PHIP: variants seen among roughly 807,000 people sequenced by gnomAD.
PHIP encodes the protein PH-interacting protein.
Under a neutral mutation model 236.8 loss-of-function variants are expected in PHIP, and 54 were observed. The observed-to-expected ratio is 0.23, with a 90% CI of 0.18 to 0.29. The LOEUF (loss-of-function observed/expected upper bound fraction) is 0.29. PHIP is among the 10% of genes least tolerant of loss of function. PHIP has a pLI of 1.00. For synonymous variants in PHIP, 756 were observed against 718.9 expected, an observed-to-expected ratio of 1.05 and a Z score of -0.83; for missense variants, 1,370 against 2,190.8, an observed-to-expected ratio of 0.63 and a Z score of 7.48.
intron 6 of PHIP, among the ~76,000 whole-genome samples, chr6:79,059,532 G>A (rs1366854837): frequency 6.9e-6 from 1 of 144,506 alleles, no homozygotes; most frequent in East Asian, 2.0e-4. Context: ...ATTTTTAAAA[G>A]CCACTTTTAT....
At chr6:78,945,718 G>A (rs187952361) in intron 38 of PHIP, 5 of 599,918 alleles carry the variant, frequency 8.3e-6, no homozygotes, top group African/African-American at 3.7e-5. Flanking sequence ...TCAAAATTTC[G>A]AAGGCAAGTC....
chr6:79,033,634 A>G (rs919299122), intron 7 of PHIP, among the ~76,000 whole-genome samples: 1 of 152,148 alleles, frequency 6.6e-6, no homozygotes, highest in Non-Finnish European at 1.5e-5. Flanking sequence ...CTTTGGCTTA[A>G]AAGAGTATTG....
intron 23 of PHIP, among the ~76,000 whole-genome samples, chr6:78,979,669 G>A (rs752740548): frequency 6.6e-6 from 1 of 151,942 alleles, no homozygotes; most frequent in Non-Finnish European, 1.5e-5. Context: ...AAGAACATTT[G>A]AAACCTAATA....
chr6:78,990,844 A>G, intron 20 of PHIP, 24 bp downstream of exon 20: 1 of 1,329,228 alleles, frequency 7.5e-7, no homozygotes, highest in South Asian at 1.3e-5. Context: ...GCAAATATTA[A>G]ACATCAAAAT....
intron 9 of PHIP, among the ~76,000 whole-genome samples, chr6:79,024,738 G>C (rs937470081): frequency 3.9e-5 from 6 of 152,198 alleles, no homozygotes; most frequent in Non-Finnish European, 7.3e-5. Context: ...CCGGGAGGCA[G>C]AGCTTGCAGT....
intron 39 of PHIP, among the ~76,000 whole-genome samples, chr6:78,942,995 GAA>G (rs1773581011): frequency 6.6e-6 from 1 of 152,074 alleles, no homozygotes; most frequent in African/African-American, 2.4e-5. Context: ...CTGGGCACAT[GAA>G]AAGTTATGCA....
chr6:79,043,515 T>C (rs143635582), intron 6 of PHIP, among the ~76,000 whole-genome samples: 1 of 152,246 alleles, frequency 6.6e-6, no homozygotes, highest in Admixed American at 6.5e-5. Context: ...ATTTGCATTA[T>C]TAAAAAATAA....
intron 6 of PHIP, among the ~76,000 whole-genome samples, chr6:79,054,943 CTT>C (rs68181403): frequency 2.7e-5 from 4 of 146,316 alleles, no homozygotes; most frequent in African/African-American, 2.5e-5. Context: ...AGATTTAAGA[CTT>C]TTTTTTTTTT....
chr6:78,974,934 T>C (rs1767933066), intron 24 of PHIP, among the ~76,000 whole-genome samples: 1 of 151,828 alleles, frequency 6.6e-6, no homozygotes, highest in East Asian at 1.9e-4. Flanking sequence ...AGCCGAATTC[T>C]ACCAGAGGTA....
Position 78,935,686 on chromosome 6 carries a change from A to G in PHIP, c.*5007T>C, listed in dbSNP as rs1446551843. ...TCGGCACCCAAATATCTTTTAACTG[A>G]CAGTTTTCACACTTTGCAAAACACA... On this transcript the variant is annotated 3_prime_UTR_variant, in exon 40 of 40. Coordinates refer to ENST00000275034, the MANE Select transcript of PHIP (RefSeq NM_017934.7). The G allele has an allele frequency of 1.0e-6, 1 of 984,576 alleles. No homozygotes were observed. The highest frequency in any genetic ancestry group is 1.2e-6 in the Non-Finnish European group (1 of 829,300). 61.0% of individuals were successfully genotyped at this position (984,576 alleles called of 1,614,324 possible). A position where few individuals can be genotyped will look rare whatever the true frequency, so the allele number is the denominator to read the frequency against.
chr6:79,030,938 TTTG>T (rs371120807), intron 7 of PHIP, among the ~76,000 whole-genome samples: 2 of 149,348 alleles, frequency 1.3e-5, no homozygotes, highest in African/African-American at 5.1e-5. Flanking sequence ...CTTGTTTTTT[TTTG>T]TTTGTTTGTT....
At chr6:79,025,886 T>G in intron 8 of PHIP, 57 bp downstream of exon 8, 4 of 1,254,052 alleles carry the variant, frequency 3.2e-6, no homozygotes, top group Non-Finnish European at 4.5e-6. Context: ...TTCATTAAAT[T>G]TACTTTACAT....
At chr6:79,027,976 C>G (rs1771490406) in intron 7 of PHIP, among the ~76,000 whole-genome samples, 1 of 152,094 alleles carries the variant, frequency 6.6e-6, no homozygotes, top group South Asian at 2.1e-4. Flanking sequence ...ATGGTTACAG[C>G]TTTATCTTCT....
Position 78,946,829 on chromosome 6 carries a change from T to C in PHIP, c.4252A>G (p.Ile1418Val), listed in dbSNP as rs773625326. The C allele has an allele frequency of 6.3e-6, 10 of 1,586,912 alleles. No homozygotes were observed. The highest frequency in any genetic ancestry group is 8.6e-6 in the Non-Finnish European group (10 of 1,169,112). ...TTATAATCTGATAAAACTGAACTAA[T>C]GTGTTCTTCAAAGAAAGCAGACAGG... ...LRLSAFFEEH[I>V]SSVLSDYKSA... Residue 1418 changes from isoleucine to valine, a missense_variant, in exon 37 of 40, where the codon ATT becomes GTT. Physicochemically the swap from Ile to Val is conservative, Grantham distance 29. Around this residue, in one of 14 missense-constraint regions of PHIP, gnomAD observed 125 missense variants for 235.1 expected, o/e 0.53. Transcript: ENST00000275034.
At chr6:78,969,940 T>A (rs1767413886) in intron 26 of PHIP, 23 bp from the exon 27 acceptor site, 1 of 1,569,748 alleles carries the variant, frequency 6.4e-7, no homozygotes, top group East Asian at 2.2e-5. Flanking sequence ...AGAAACAAAT[T>A]GATTAGGTCA....
chr6:79,028,510 G>A (rs1484075420), intron 7 of PHIP, among the ~76,000 whole-genome samples: 2 of 152,188 alleles, frequency 1.3e-5, no homozygotes, highest in Non-Finnish European at 1.5e-5. Flanking sequence ...AGGAAGAGCT[G>A]TAGCAGACTA....
chr6:79,073,164 T>C (rs1345247826), intron 4 of PHIP, among the ~76,000 whole-genome samples: 1 of 152,182 alleles, frequency 6.6e-6, no homozygotes, highest in African/African-American at 2.4e-5. Context: ...ATATAGTAAG[T>C]ATTGCATTTA....
At chr6:78,997,660 G>A in intron 18 of PHIP, 63 bp from the exon 19 acceptor site, 2 of 1,234,280 alleles carry the variant, frequency 1.6e-6, no homozygotes, top group Admixed American at 4.7e-5. Flanking sequence ...GTTTATAACA[G>A]AAAAAAGAGA....
At position 78,997,545 on chromosome 6, in the gene PHIP, T is replaced by TCTTA; in HGVS notation, c.2066_2069dup (p.Arg690SerfsTer4). Reference sequence around the variant, plus strand: ...GTACACCTTCAATTTGTCCACTACGTCTTAGTCCTACGTTTGGTGGTGAAT... The same window carrying TCTTA: ...GTACACCTTCAATTTGTCCACTACGTCTTACTTAGTCCTACGTTTGGTGGTGAAT... On this transcript the variant is annotated frameshift_variant, in exon 19 of 40. Coordinates refer to ENST00000275034, the MANE Select transcript of PHIP (RefSeq NM_017934.7). LOFTEE classifies it high-confidence loss of function. The TCTTA allele has an allele frequency of 6.2e-7, 1 of 1,614,034 alleles. No individual in the cohort carries two copies. Among genetic ancestry groups the TCTTA allele is most frequent in the Non-Finnish European group, 8.5e-7 (1 of 1,179,930 alleles).
Sources: allele counts gnomAD v4.1 joint callset (sites outside exome capture counted in the v4.1 genomes callset), GRCh38; gene constraint gnomAD v4.1.1; regional missense constraint gnomAD v4.1.1; transcripts MANE v1.5; gene names NCBI Gene and HGNC (gene_info 2026-07-23, HGNC 2026-07-21).